Variants in TRIM71 observed in about 807,000 individuals in gnomAD.
The protein encoded by TRIM71 is tripartite motif containing 71, also known as E3 ubiquitin-protein ligase TRIM71.
A neutral mutation model predicts 61.2 loss-of-function variants in TRIM71; 9 were observed. The observed-to-expected ratio is 0.15, with a 90% CI of 0.09 to 0.26. The LOEUF is 0.26. Ranked by LOEUF, TRIM71 falls within the 10% of genes least tolerant of loss-of-function variation. TRIM71 has a pLI of 1.00. For missense variants in TRIM71, 998 were observed against 1,238.7 expected (o/e 0.81, Z 2.92); for synonymous variants, 645 against 553.2 (o/e 1.17, Z -2.33).
At chr3:32,845,368 A>G (rs1696459301) in intron 1 of TRIM71, among the ~76,000 whole-genome samples, 1 of 152,212 alleles carries the variant, frequency 6.6e-6, no homozygotes, top group African/African-American at 2.4e-5. Flanking sequence ...AAAAAGGATG[A>G]AAGAGAAGAA....
chr3:32,865,258 G>A (rs1255542153), intron 1 of TRIM71, among the ~76,000 whole-genome samples: 1 of 152,142 alleles, frequency 6.6e-6, no homozygotes, highest in Non-Finnish European at 1.5e-5. Context: ...GAACTCGGGG[G>A]TTGGAGGTTG....
Position 32,897,812 on chromosome 3 carries a change from G to T in TRIM71, c.*6001G>T, listed in dbSNP as rs564461059. ...TTTTTGTTTAATCAAATAAACGAGG[G>T]TTTTTCCATGGCTACAGTGTGTCTG... On this transcript the variant is annotated 3_prime_UTR_variant, in exon 4 of 4. Coordinates refer to ENST00000383763, the MANE Select transcript of TRIM71 (RefSeq NM_001039111.3). The T allele has an allele frequency of 6.6e-6, 1 of 152,236 alleles. No homozygotes were observed. The highest frequency in any genetic ancestry group is 2.4e-5 in the African/African-American group (1 of 41,528). The allele number at this position is 152,236 out of a possible 1,614,324, so 9.4% of individuals were successfully genotyped here.
rs752810578 is a variant in TRIM71 at position 32,891,850 on chromosome 3, G to GTC, written c.*40_*41insCT. Reference sequence around the variant, plus strand: ...GTTTCTGTGTTTGGGGTGTGTGTGCGTGTCTCTCTCTCTCTCTCTCTCTTT... The same window carrying GTC: ...GTTTCTGTGTTTGGGGTGTGTGTGCGTCTGTCTCTCTCTCTCTCTCTCTCTTT... On this transcript the variant is annotated 3_prime_UTR_variant, in exon 4 of 4. Transcript: ENST00000383763. This position sits in a 1 kb window ranked among gnomAD's most constrained non-coding sequence, Gnocchi z 8.2. 3.2e-5 allele frequency: 50 copies of GTC among 1,574,694 alleles called. No homozygotes were observed. Among genetic ancestry groups the GTC allele is most frequent in the Non-Finnish European group, 3.8e-5 (44 of 1,161,354 alleles).
At chr3:32,882,147 A>AC (rs1397234623) in intron 2 of TRIM71, among the ~76,000 whole-genome samples, 1 of 141,420 alleles carries the variant, frequency 7.1e-6, no homozygotes, top group Non-Finnish European at 1.6e-5. Flanking sequence ...ATTTTTTGAG[A>AC]CAGAGTTTTG....
chr3:32,887,504 T>C, intron 3 of TRIM71, among the ~76,000 whole-genome samples: 1 of 111,340 alleles, frequency 9.0e-6, no homozygotes, highest in Non-Finnish European at 1.9e-5. Flanking sequence ...TTTTTTTTTC[T>C]GTTCCTTCCC....
At chr3:32,858,712 T>C (rs962800906) in intron 1 of TRIM71, among the ~76,000 whole-genome samples, 3 of 152,136 alleles carry the variant, frequency 2.0e-5, no homozygotes, top group Non-Finnish European at 4.4e-5. Context: ...GAGCCAAATA[T>C]TTAGGTTTCT....
intron 1 of TRIM71, among the ~76,000 whole-genome samples, chr3:32,873,403 T>C (rs1696819428): frequency 6.6e-6 from 1 of 152,198 alleles, no homozygotes; most frequent in Non-Finnish European, 1.5e-5. Context: ...TCTGGTACAT[T>C]CTTACATCCA....
intron 2 of TRIM71, among the ~76,000 whole-genome samples, chr3:32,883,008 C>T (rs1430074019): frequency 6.6e-6 from 1 of 152,108 alleles, no homozygotes; most frequent in Non-Finnish European, 1.5e-5. Flanking sequence ...GAAGAAGCTG[C>T]TTCTGCAGGT....
intron 1 of TRIM71, among the ~76,000 whole-genome samples, chr3:32,832,901 G>A (rs761654168): frequency 1.1e-4 from 17 of 152,034 alleles, no homozygotes; most frequent in South Asian, 2.1e-4. Context: ...TGGGCTGGGC[G>A]CGGTGGCTCA....
intron 1 of TRIM71, among the ~76,000 whole-genome samples, chr3:32,870,847 C>T (rs1457651042): frequency 2.0e-5 from 3 of 152,132 alleles, no homozygotes; most frequent in Admixed American, 6.5e-5. Context: ...ACTCTTAGCC[C>T]GTGTTGCCTA....
chr3:32,847,454 C>G (rs972859348), intron 1 of TRIM71, among the ~76,000 whole-genome samples: 42 of 152,192 alleles, frequency 2.8e-4, no homozygotes, highest in African/African-American at 8.7e-4. Context: ...CTTGGCCTCC[C>G]AAAGTGCCGG....
chr3:32,859,515 G>A (rs1173308302), intron 1 of TRIM71, among the ~76,000 whole-genome samples: 1 of 152,124 alleles, frequency 6.6e-6, no homozygotes, highest in Non-Finnish European at 1.5e-5. Flanking sequence ...GCCTTGGCCT[G>A]CCAAAGTGTT....
chr3:32,835,794 T>G lies in TRIM71; in HGVS notation c.852+16862T>G, dbSNP rs117324116. 5.3e-4 allele frequency among the ~76,000 whole-genome samples: 80 copies of G among 150,738 alleles called. No homozygotes were observed. In the East Asian group the frequency reaches 9.9e-3, roughly 19 times the overall value. ...AAGTAATATATAAACCTATTTTGTT[T>G]GGATTATCTGTAAATTTTATTTTTA... On this transcript the variant is annotated intron_variant, in intron 1 of 3. Transcript: ENST00000383763.
rs1383738378 is a variant in TRIM71 at position 32,893,955 on chromosome 3, G to A, written c.*2144G>A. On this transcript the variant is annotated 3_prime_UTR_variant, in exon 4 of 4. Coordinates refer to ENST00000383763, the MANE Select transcript of TRIM71 (RefSeq NM_001039111.3). ...AAACTGCTGCTGGCTCCCAGCTGCT[G>A]TTACAGGGTGGGAAGGTGTTAGGAA... 6.6e-6 allele frequency: 1 copy of A among 152,202 alleles called. No homozygotes were observed. The highest frequency in any genetic ancestry group is 2.4e-5 in the African/African-American group (1 of 41,446). The allele number at this position is 152,202 out of a possible 1,614,324, so 9.4% of individuals were successfully genotyped here. A position where few individuals can be genotyped will look rare whatever the true frequency, so the allele number is the denominator to read the frequency against.
At chr3:32,865,499 TTGTC>T (rs1334007747) in intron 1 of TRIM71, among the ~76,000 whole-genome samples, 4 of 152,144 alleles carry the variant, frequency 2.6e-5, no homozygotes, top group African/African-American at 9.7e-5. Flanking sequence ...TGAAACTACT[TTGTC>T]TGACTCTGCC....
In TRIM71 at chr3:32,890,542, C is replaced by G. The variant is rs377168853; in HGVS notation, c.1338C>G (p.Thr446=). 3.1e-6 allele frequency: 5 copies of G among 1,614,024 alleles called. No individual in the cohort carries two copies. Among genetic ancestry groups the G allele is most frequent in the Non-Finnish European group, 4.2e-6 (5 of 1,180,020 alleles). The change falls in exon 4 of 4, where the codon ACC becomes ACG. Residue 446 remains threonine, a synonymous_variant. Coordinates refer to ENST00000383763, the MANE Select transcript of TRIM71 (RefSeq NM_001039111.3). The surrounding 1 kb of genome is among the most constrained non-coding windows in gnomAD (Gnocchi z 6.2). ...TGGCCCAGGTGCAGGAGCTGAAGAC[C>G]GTGCGGAGCCTCCTGCAGCCCCAGG... ...RMLAQVQELK[T]VRSLLQPQED... is the part of the protein sequence containing the mutation.
intron 1 of TRIM71, among the ~76,000 whole-genome samples, chr3:32,860,369 C>T (rs4909020): frequency 0.96 from 146,167 of 152,070 alleles, 70,519 homozygotes; most frequent in East Asian, 1. Flanking sequence ...GTGGCCAGGC[C>T]GGTCTCGAAC....
Position 32,818,126 on chromosome 3 carries a change from AAGG to A in TRIM71, c.49_51del (p.Glu17del), listed in dbSNP as rs780039146. 2 of 1,612,042 alleles carry A rather than the reference AAGG, an allele frequency of 1.2e-6. No homozygotes were observed. Among genetic ancestry groups the A allele is most frequent in the Non-Finnish European group, 1.7e-6 (2 of 1,179,020 alleles). ...CGATTTCCAGATCTGCTTGCTGTGC[AAGG>A]AGATGTGCGGCTCGCCGGCGCCGCT... On this transcript the variant is annotated inframe_deletion, in exon 1 of 4. Coordinates refer to ENST00000383763, the MANE Select transcript of TRIM71 (RefSeq NM_001039111.3).
intron 1 of TRIM71, among the ~76,000 whole-genome samples, chr3:32,845,731 T>C (rs372435764): frequency 5.9e-4 from 79 of 134,698 alleles, no homozygotes; most frequent in Non-Finnish European, 9.7e-5. Flanking sequence ...TTTTTTTTTT[T>C]GAAACAGAGT....
Sources: allele counts gnomAD v4.1 joint callset (sites outside exome capture counted in the v4.1 genomes callset), GRCh38; gene constraint gnomAD v4.1.1; non-coding constraint Gnocchi (gnomAD v3.1); transcripts MANE v1.5; gene names NCBI Gene and HGNC (gene_info 2026-07-23, HGNC 2026-07-21).